The following AFG2A variants were observed in gnomAD, a reference collection of about 807,000 sequenced individuals.
AFG2A encodes ATPase family gene 2 protein homolog A.
chr4:123,219,207 G>A, the AFG2A span, among the ~76,000 whole-genome samples: 1 of 152,194 alleles, frequency 6.6e-6, no homozygotes, highest in Non-Finnish European at 1.5e-5. Flanking sequence ...CAGTCCAAAG[G>A]CTGGATAACC....
At chr4:122,926,928 G>T in the AFG2A span, among the ~76,000 whole-genome samples, 2 of 151,548 alleles carry the variant, frequency 1.3e-5, no homozygotes, top group Non-Finnish European at 2.9e-5. Context: ...TAAAACAAAT[G>T]AATATTATGG....
the AFG2A span, among the ~76,000 whole-genome samples, chr4:123,267,139 T>C: frequency 6.6e-6 from 1 of 152,160 alleles, no homozygotes; most frequent in East Asian, 1.9e-4. Context: ...TTAAACTTTA[T>C]AAAATGGTTG....
the AFG2A span, among the ~76,000 whole-genome samples, chr4:123,068,096 C>T: frequency 6.6e-6 from 1 of 152,042 alleles, no homozygotes. Flanking sequence ...TACATTTTCC[C>T]CTATTGTGTT....
chr4:123,168,292 C>G, the AFG2A span, among the ~76,000 whole-genome samples: 1 of 152,180 alleles, frequency 6.6e-6, no homozygotes, highest in Non-Finnish European at 1.5e-5. Flanking sequence ...AAGCTCCTCA[C>G]TGAGATGCTT....
At chr4:123,241,961 A>G in the AFG2A span, among the ~76,000 whole-genome samples, 1 of 152,210 alleles carries the variant, frequency 6.6e-6, no homozygotes, top group African/African-American at 2.4e-5. Context: ...ATGTGCAAAA[A>G]TCACAAGCAT....
chr4:123,036,984 A>G, the AFG2A span, among the ~76,000 whole-genome samples: 2 of 152,104 alleles, frequency 1.3e-5, no homozygotes, highest in African/African-American at 4.8e-5. Flanking sequence ...ATGTAATTCT[A>G]TCTTATGTGA....
chr4:123,225,867 C>T, the AFG2A span, among the ~76,000 whole-genome samples: 35 of 152,026 alleles, frequency 2.3e-4, no homozygotes, highest in African/African-American at 5.1e-4. Context: ...TCCATTTGTT[C>T]GTATCCTCTT....
At chr4:123,044,647 TAACTG>T in the AFG2A span, among the ~76,000 whole-genome samples, 144 of 152,274 alleles carry the variant, frequency 9.5e-4, no homozygotes, top group African/African-American at 3.4e-3. Context: ...GGTGCAAAAA[TAACTG>T]AAATCCATGC....
the AFG2A span, among the ~76,000 whole-genome samples, chr4:123,247,247 CACT>C: frequency 1.5e-4 from 14 of 93,594 alleles, no homozygotes; most frequent in South Asian, 5.7e-4. Context: ...GTGTGTGTAT[CACT>C]ACTACTAATA....
chr4:123,177,667 CTTTAA>C, the AFG2A span, among the ~76,000 whole-genome samples: 3 of 152,140 alleles, frequency 2.0e-5, no homozygotes, highest in East Asian at 1.9e-4. Flanking sequence ...AGCATAGATT[CTTTAA>C]TTTAGGAAAG....
chr4:123,062,286 T>C, the AFG2A span, among the ~76,000 whole-genome samples: 1 of 152,214 alleles, frequency 6.6e-6, no homozygotes, highest in African/African-American at 2.4e-5. Context: ...GTAAACATCA[T>C]AGAGTATACT....
At chr4:123,225,724 G>A in the AFG2A span, among the ~76,000 whole-genome samples, 3 of 152,164 alleles carry the variant, frequency 2.0e-5, no homozygotes, top group East Asian at 5.8e-4. Context: ...GAACTTTCAA[G>A]TAGTTTTTTC....
At chr4:123,224,247 C>T in the AFG2A span, among the ~76,000 whole-genome samples, 19 of 151,896 alleles carry the variant, frequency 1.3e-4, no homozygotes, top group Non-Finnish European at 2.5e-4. Flanking sequence ...TTTTAGGGCA[C>T]ATGTGCACAA....
chr4:123,244,629 C>T, the AFG2A span, among the ~76,000 whole-genome samples: 114 of 152,292 alleles, frequency 7.5e-4, 1 homozygote, highest in East Asian at 0.022. Flanking sequence ...GTCAACAAAA[C>T]CTTTGTTTGT....
At chr4:123,058,380 T>A in the AFG2A span, among the ~76,000 whole-genome samples, 1 of 152,152 alleles carries the variant, frequency 6.6e-6, no homozygotes, top group South Asian at 2.1e-4. Context: ...ATCCCAGCAC[T>A]TTGGCAGGCC....
At chr4:123,046,607 A>T in the AFG2A span, among the ~76,000 whole-genome samples, 1 of 152,186 alleles carries the variant, frequency 6.6e-6, no homozygotes, top group African/African-American at 2.4e-5. Context: ...TGGAGTCTTC[A>T]TCACCTCAAA....
the AFG2A span, among the ~76,000 whole-genome samples, chr4:122,986,995 A>G: frequency 1.3e-5 from 2 of 152,076 alleles, no homozygotes; most frequent in Non-Finnish European, 2.9e-5. Flanking sequence ...ATGTATTTAG[A>G]TGCTCCAGTG....
chr4:122,947,131 C>T, the AFG2A span: 1 of 1,158,042 alleles, frequency 8.6e-7, no homozygotes, highest in Non-Finnish European at 1.2e-6. Flanking sequence ...GTAGCCTGGA[C>T]AGTTAGATGT....
At chr4:123,205,148 T>C in the AFG2A span, among the ~76,000 whole-genome samples, 1 of 152,224 alleles carries the variant, frequency 6.6e-6, no homozygotes, top group Admixed American at 6.5e-5. Flanking sequence ...TTGTATTTTT[T>C]GCTATTTTAT....
Sources: allele counts gnomAD v4.1 joint callset (sites outside exome capture counted in the v4.1 genomes callset), GRCh38; gene constraint gnomAD v4.1.1; transcripts MANE v1.5; gene names NCBI Gene and HGNC (gene_info 2026-07-23, HGNC 2026-07-21).